Variants in NEGR1 observed in about 807,000 individuals in gnomAD.
NEGR1 encodes neuronal growth regulator 1, also known as IgLON family member 4.
Under a neutral mutation model 40.9 loss-of-function variants are expected in NEGR1, and 10 were observed. That is an observed-to-expected ratio of 0.24 (90% CI 0.15 to 0.42). The LOEUF (loss-of-function observed/expected upper bound fraction) is 0.42. Ranked by LOEUF, NEGR1 falls within the 10% of genes least tolerant of loss-of-function variation. The pLI, the probability that NEGR1 is intolerant of heterozygous loss-of-function variation, is 1.00. For missense variants in NEGR1, 352 were observed against 438.9 expected (o/e 0.80, Z 1.77); for synonymous variants, 185 against 166.8 (o/e 1.11, Z -0.84).
intron 6 of NEGR1, chr1:71,573,633 T>C (rs1183027372): frequency 6.6e-6 from 1 of 152,226 alleles, no homozygotes; most frequent in Non-Finnish European, 1.5e-5. Context: ...AATATGAATA[T>C]TATAAACCAA....
rs959674721 is a variant in NEGR1, at chr1:71,399,712, T to G, written c.*7734A>C. On this transcript the variant is annotated 3_prime_UTR_variant, in exon 7 of 7. Coordinates refer to ENST00000357731, the MANE Select transcript of NEGR1 (RefSeq NM_173808.3). ...TTTCAAATCTCTGGCAATGATTTCT[T>G]AAGGAGTATGTCAAAAATGAGCTAT... is the stretch of plus-strand genomic sequence containing the variant. 9 of 152,216 alleles carry G rather than the reference T, an allele frequency of 5.9e-5. No individual in the cohort carries two copies. Among genetic ancestry groups the G allele is most frequent in the African/African-American group, 2.2e-4 (9 of 41,470 alleles). The allele number at this position is 152,216 out of a possible 1,614,324, so 9.4% of individuals were successfully genotyped here. A position where few individuals can be genotyped will look rare whatever the true frequency, so the allele number is the denominator to read the frequency against.
At chr1:71,814,864 G>T (rs1438491422) in intron 2 of NEGR1, among the ~76,000 whole-genome samples, 1 of 151,824 alleles carries the variant, frequency 6.6e-6, no homozygotes, top group Non-Finnish European at 1.5e-5. Context: ...ACTAGCTCCT[G>T]GCTTCATTGA....
At chr1:71,845,688 T>G (rs1041561095) in intron 2 of NEGR1, among the ~76,000 whole-genome samples, 2 of 151,976 alleles carry the variant, frequency 1.3e-5, no homozygotes, top group African/African-American at 4.8e-5. Flanking sequence ...TTGATCCAAT[T>G]CACACAGCAA....
chr1:72,174,360 T>G (rs1406126991), intron 1 of NEGR1, among the ~76,000 whole-genome samples: 1 of 152,148 alleles, frequency 6.6e-6, no homozygotes, highest in Non-Finnish European at 1.5e-5. Context: ...AGTTCATAAT[T>G]TATATTAGGG....
intron 2 of NEGR1, among the ~76,000 whole-genome samples, chr1:71,786,687 T>G (rs1442050904): frequency 3.9e-5 from 6 of 152,136 alleles, no homozygotes; most frequent in Non-Finnish European, 7.4e-5. Flanking sequence ...ATAGTTGGTT[T>G]GTGTGGTGGT....
chr1:71,430,319 T>C (rs1014262542), intron 6 of NEGR1, among the ~76,000 whole-genome samples: 1 of 152,190 alleles, frequency 6.6e-6, no homozygotes, highest in Admixed American at 6.5e-5. Flanking sequence ...CAGTTTGACC[T>C]GGCCTCTGCT....
At chr1:71,963,251 T>C (rs1646181588) in intron 1 of NEGR1, among the ~76,000 whole-genome samples, 1 of 152,100 alleles carries the variant, frequency 6.6e-6, no homozygotes, top group Admixed American at 6.6e-5. Context: ...CATTCACAAA[T>C]TATTTACAAG....
chr1:72,106,773 T>C (rs1649149107), intron 1 of NEGR1, among the ~76,000 whole-genome samples: 1 of 151,944 alleles, frequency 6.6e-6, no homozygotes, highest in African/African-American at 2.4e-5. Context: ...AATTCCAAAG[T>C]TTGGATAAAT....
chr1:72,035,894 A>G (rs1646897488), intron 1 of NEGR1, among the ~76,000 whole-genome samples: 1 of 152,190 alleles, frequency 6.6e-6, no homozygotes, highest in Non-Finnish European at 1.5e-5. Flanking sequence ...GGTAGAATTA[A>G]GATCATTTCA....
At chr1:71,760,233 A>G (rs1034889356) in intron 3 of NEGR1, among the ~76,000 whole-genome samples, 4 of 152,050 alleles carry the variant, frequency 2.6e-5, no homozygotes, top group African/African-American at 9.7e-5. Flanking sequence ...TCCTCGAAGT[A>G]TTGTGGATTT....
At chr1:71,530,112 G>A (rs1269659837) in intron 6 of NEGR1, among the ~76,000 whole-genome samples, 1 of 151,110 alleles carries the variant, frequency 6.6e-6, no homozygotes, top group East Asian at 2.0e-4. Flanking sequence ...AGTAATATTA[G>A]GAAATATGAG....
chr1:71,584,769 A>G (rs773232191), intron 6 of NEGR1, among the ~76,000 whole-genome samples: 12 of 152,200 alleles, frequency 7.9e-5, no homozygotes, highest in Non-Finnish European at 1.5e-4. Flanking sequence ...AAGATCAGGA[A>G]AGTCATACTG....
chr1:71,685,336 T>TTC (rs1031419569), intron 4 of NEGR1, among the ~76,000 whole-genome samples: 4 of 151,810 alleles, frequency 2.6e-5, no homozygotes, highest in Non-Finnish European at 5.9e-5. Flanking sequence ...TTTTTTTTTT[T>TTC]TTTGAGATGG....
At chr1:71,603,944 A>G (rs1036774074) in intron 5 of NEGR1, among the ~76,000 whole-genome samples, 10 of 152,178 alleles carry the variant, frequency 6.6e-5, no homozygotes, top group African/African-American at 4.8e-5. Flanking sequence ...CTCACTGTTG[A>G]TGAGTGAGCA....
intron 1 of NEGR1, among the ~76,000 whole-genome samples, chr1:72,020,269 T>C (rs1158443897): frequency 1.3e-5 from 2 of 152,142 alleles, no homozygotes; most frequent in East Asian, 3.9e-4. Flanking sequence ...CCTGAACACT[T>C]GCTTATCTGG....
At chr1:71,957,313 G>A (rs1447895697) in intron 1 of NEGR1, among the ~76,000 whole-genome samples, 1 of 152,014 alleles carries the variant, frequency 6.6e-6, no homozygotes, top group East Asian at 1.9e-4. Flanking sequence ...GGGTAAGCAT[G>A]GTGTTATCAG....
At chr1:72,053,899 A>G (rs1557503291) in intron 1 of NEGR1, among the ~76,000 whole-genome samples, 1 of 150,892 alleles carries the variant, frequency 6.6e-6, no homozygotes, top group Non-Finnish European at 1.5e-5. Flanking sequence ...AAACTCACAC[A>G]TATCAGAACC....
chr1:71,553,074 T>C (rs558613413), intron 6 of NEGR1, among the ~76,000 whole-genome samples: 41 of 151,696 alleles, frequency 2.7e-4, no homozygotes, highest in Non-Finnish European at 4.7e-4. Flanking sequence ...CTAGGCAATT[T>C]CCTGTTTCTT....
intron 4 of NEGR1, among the ~76,000 whole-genome samples, chr1:71,614,556 A>G (rs1473335462): frequency 1.3e-5 from 2 of 152,182 alleles, no homozygotes. Context: ...ATAGGCTTTA[A>G]TCTCTCTTTC....
Sources: gnomAD v4.1 joint callset for allele counts (sites outside exome capture counted in the v4.1 genomes callset) on GRCh38, gnomAD v4.1.1 for gene constraint, MANE v1.5 for transcripts, NCBI Gene and HGNC (gene_info 2026-07-23, HGNC 2026-07-21) for gene names.